NOMO1: variants seen among roughly 807,000 people sequenced by gnomAD.
NOMO1 encodes NODAL modulator 1.
NOMO1 carries 40 observed loss-of-function variants against 133.8 expected under a neutral mutation model. The observed-to-expected ratio is 0.30, with a 90% CI of 0.23 to 0.39. NOMO1 has a LOEUF of 0.39. NOMO1 is among the 10% of genes least tolerant of loss of function. NOMO1 has a pLI of 1.00. For synonymous variants in NOMO1, 236 were observed against 570.5 expected (o/e 0.41, Z 8.36); for missense variants, 462 against 1,419.9 (o/e 0.33, Z 10.84).
At position 14,866,801 on chromosome 16, in the gene NOMO1, T is replaced by C; in HGVS notation, c.1806+110T>C. The C allele has an allele frequency of 3.7e-6, 6 of 1,605,600 alleles. 1 individual carries two copies. The South Asian group carries it at 6.6e-5, about 18-fold the overall frequency. On this transcript the variant is annotated intron_variant, in intron 15 of 30. Transcript: ENST00000287667. ...AAACGTAGGCAAGTTAGATTTCCTT[T>C]TCTGCCTCTCCACTCGCCCACCTGT...
Position 14,878,754 on chromosome 16 carries a change from G to C in NOMO1, c.2677G>C (p.Val893Leu). 6.2e-7 allele frequency: 1 copy of C among 1,611,788 alleles called. No homozygotes were observed. The highest frequency in any genetic ancestry group is 8.5e-7 in the Non-Finnish European group (1 of 1,179,830). The change falls in exon 23 of 31, where the codon GTC (valine) becomes CTC (leucine). Residue 893 changes from valine (V) to leucine (L), a missense_variant. Val to Leu is a conservative substitution (Grantham distance 32). Transcript: ENST00000287667. The stretch of plus-strand genomic sequence containing the variant: ...TGAGGATGACCAGCCCCTCCCGGGA[G>C]TCCTCTTATCCCTGAGCGGTGGCCT... ...KAEDDQPLPGVLLSLSGGLFR... is the reference protein window; with the variant it reads ...KAEDDQPLPGLLLSLSGGLFR...
At chr16:14,886,677 A>C (rs1480995146) in intron 27 of NOMO1, 84 bp from the exon 28 acceptor site, 7 of 1,550,814 alleles carry the variant, frequency 4.5e-6, no homozygotes, top group African/African-American at 1.4e-5. Flanking sequence ...CCCACCCAGA[A>C]AGCGGCTGTC....
intron 20 of NOMO1, among the ~76,000 whole-genome samples, 162 bp downstream of exon 20, chr16:14,875,584 GA>G (rs1453099350): frequency 4.6e-5 from 7 of 151,866 alleles, no homozygotes; most frequent in African/African-American, 1.7e-4. Flanking sequence ...TGGATGGATG[GA>G]TGGATGGATG....
intron 25 of NOMO1, 128 bp downstream of exon 25, chr16:14,881,813 TC>T (rs1333686916): frequency 3.6e-6 from 3 of 845,054 alleles, no homozygotes; most frequent in African/African-American, 1.9e-5. Context: ...TCTGGAGCCC[TC>T]CCAGTTCTTA....
chr16:14,836,694 C>CTTTTT (rs954619401), intron 1 of NOMO1, among the ~76,000 whole-genome samples: 10 of 131,246 alleles, frequency 7.6e-5, no homozygotes, highest in African/African-American at 8.5e-5. Context: ...TTCCATTTTA[C>CTTTTT]TTTTTTTTTT....
intron 28 of NOMO1, chr16:14,888,354 TC>T (rs1401565927): frequency 2.0e-5 from 3 of 148,796 alleles, no homozygotes; most frequent in African/African-American, 7.5e-5. Context: ...GGGTCACACT[TC>T]CCCTGAGTTC....
intron 18 of NOMO1, among the ~76,000 whole-genome samples, chr16:14,873,630 T>C (rs1232666737): frequency 6.6e-6 from 1 of 151,178 alleles, no homozygotes; most frequent in Non-Finnish European, 1.5e-5. Context: ...GAATTACTGA[T>C]AGGACTAGCA....
chr16:14,836,893 G>C (rs1963523187), intron 1 of NOMO1, among the ~76,000 whole-genome samples: 1 of 151,004 alleles, frequency 6.6e-6, no homozygotes, highest in East Asian at 2.0e-4. Context: ...TTTTAGTAGA[G>C]ACGGGGTTTC....
At chr16:14,853,879 A>G in intron 8 of NOMO1, 58 bp from the exon 9 acceptor site, 5 of 1,607,502 alleles carry the variant, frequency 3.1e-6, no homozygotes, top group Non-Finnish European at 4.2e-6. Context: ...ATCGATTATT[A>G]ATATTGCTGA....
chr16:14,862,914 A>T (rs1963940373), intron 11 of NOMO1, 99 bp from the exon 12 acceptor site: 1 of 1,549,170 alleles, frequency 6.5e-7, no homozygotes, highest in Non-Finnish European at 8.8e-7. Context: ...TATTCTCAGG[A>T]ACAAGGGCTG....
chr16:14,848,238 C>CAGCA (rs1340154080), intron 5 of NOMO1, among the ~76,000 whole-genome samples: 1 of 141,534 alleles, frequency 7.1e-6, no homozygotes, highest in African/African-American at 2.8e-5. Context: ...AGTATACTGG[C>CAGCA]AGCAGCATTT....
intron 11 of NOMO1, among the ~76,000 whole-genome samples, chr16:14,859,022 T>A (rs1963884221): frequency 6.6e-6 from 1 of 152,002 alleles, no homozygotes; most frequent in Admixed American, 6.5e-5. Context: ...CTTCAATAGG[T>A]ACTTGGATGG....
intron 25 of NOMO1, among the ~76,000 whole-genome samples, chr16:14,882,076 C>CT (rs1397155512): frequency 1.2e-4 from 1 of 8,160 alleles, no homozygotes; most frequent in African/African-American, 5.4e-4. Flanking sequence ...AAGGGACAGC[C>CT]TGTCACTTGG....
Position 14,864,726 on chromosome 16 carries a change from G to A in NOMO1, c.1537G>A (p.Asp513Asn), listed in dbSNP as rs538136600. Residue 513 changes from aspartate to asparagine, a missense_variant and splice_region_variant, in exon 13 of 31, where the codon GAC becomes AAC. Coordinates refer to ENST00000287667, the MANE Select transcript of NOMO1 (RefSeq NM_014287.4). ...ASVSGKVSCL[D>N]TCGDLLVTLQ... Reference sequence around the variant, plus strand: ...AGTTTCTGGGAAAGTCTCTTGTTTGGGTAAGATATCACTGGAAAGTAAGAA... The same window carrying A: ...AGTTTCTGGGAAAGTCTCTTGTTTGAGTAAGATATCACTGGAAAGTAAGAA... The A allele has an allele frequency of 3.1e-6, 5 of 1,613,554 alleles. No homozygotes were observed. The African/African-American group carries it at 5.4e-5, about 17-fold the overall frequency.
intron 5 of NOMO1, among the ~76,000 whole-genome samples, chr16:14,847,906 GTAATTTTTT>G (rs984734852): frequency 1.3e-5 from 2 of 151,824 alleles, no homozygotes; most frequent in African/African-American, 2.4e-5. Context: ...ATATGAAGCT[GTAATTTTTT>G]TTCTGGGCTA....
In NOMO1 at chr16:14,860,689, C is replaced by T. The variant is rs575325978; in HGVS notation, c.1221-2324C>T. On this transcript the variant is annotated intron_variant, in intron 11 of 30. Transcript: ENST00000287667. ...GGGTAGATGGAGGCGGCGCTGTTCA[C>T]GGAGATGGAGGAAATATATTTATTT... is the stretch of plus-strand genomic sequence containing the variant. Among the ~76,000 whole-genome samples the T allele has an allele frequency of 4.7e-4, 72 of 151,852 alleles. 1 individual carries two copies. Among genetic ancestry groups the T allele is most frequent in the African/African-American group, 1.7e-3 (69 of 41,318 alleles).
chr16:14,874,871 A>T (rs1459066746), intron 18 of NOMO1, among the ~76,000 whole-genome samples, 165 bp from the exon 19 acceptor site: 1 of 151,922 alleles, frequency 6.6e-6, no homozygotes, highest in Non-Finnish European at 1.5e-5. Context: ...CTCAGTTGTT[A>T]TTTTTTGTGA....
At chr16:14,886,107 CCAT>C (rs1964319838) in intron 27 of NOMO1, among the ~76,000 whole-genome samples, 1 of 152,028 alleles carries the variant, frequency 6.6e-6, no homozygotes, top group Non-Finnish European at 1.5e-5. Context: ...TGCTCATGCC[CCAT>C]GCCGTGTGGG....
intron 14 of NOMO1, among the ~76,000 whole-genome samples, chr16:14,865,968 G>A (rs902400667): frequency 1.5e-5 from 2 of 131,694 alleles, no homozygotes; most frequent in African/African-American, 2.9e-5. Flanking sequence ...TACAGAAAAA[G>A]TTTGTGGATC....
Sources: gnomAD v4.1 joint callset for allele counts (sites outside exome capture counted in the v4.1 genomes callset) on GRCh38, gnomAD v4.1.1 for gene constraint, MANE v1.5 for transcripts, NCBI Gene and HGNC (gene_info 2026-07-23, HGNC 2026-07-21) for gene names.